FAM227B: variants seen among roughly 807,000 people sequenced by gnomAD.
FAM227B encodes the protein family with sequence similarity 227 member B, also known as protein FAM227B.
Under a neutral mutation model 73.8 loss-of-function variants are expected in FAM227B, and 88 were observed. The ratio of observed to expected loss-of-function variants is 1.19; its 90% CI spans 1.00 to 1.42. The LOEUF (loss-of-function observed/expected upper bound fraction) is 1.42, where lower values mean the gene tolerates loss of function less well. FAM227B is among the 40% of genes most tolerant of loss of function. FAM227B has a pLI of 0.00. For missense variants in FAM227B, 632 were observed against 590.9 expected (o/e 1.07, Z -0.72); for synonymous variants, 210 against 190.5 (o/e 1.10, Z -0.84).
chr15:49,576,712 T>C lies in FAM227B; in HGVS notation c.546+29A>G, dbSNP rs774735480. 8.1e-6 allele frequency: 10 copies of C among 1,230,312 alleles called. No homozygotes were observed. In the South Asian group the frequency reaches 1.2e-4, roughly 15 times the overall value. 76.2% of individuals were successfully genotyped at this position (1,230,312 alleles called of 1,614,324 possible). ...CATTAAATCATACTGTCAAAATGTATCCTACAATAAAATGAAATATTTACA... is the reference window on the plus strand; with the variant it reads ...CATTAAATCATACTGTCAAAATGTACCCTACAATAAAATGAAATATTTACA... On this transcript the variant is annotated intron_variant, in intron 7 of 15. Coordinates refer to ENST00000299338, the MANE Select transcript of FAM227B (RefSeq NM_152647.3).
chr15:49,371,115 G>A (rs1430762651), intron 12 of FAM227B, among the ~76,000 whole-genome samples, 187 bp downstream of exon 12: 1 of 152,114 alleles, frequency 6.6e-6, no homozygotes, highest in Non-Finnish European at 1.5e-5. Context: ...GATATTTTCA[G>A]AAGAAAATAA....
chr15:49,503,511 T>A (rs2058318803), intron 11 of FAM227B, among the ~76,000 whole-genome samples: 1 of 152,094 alleles, frequency 6.6e-6, no homozygotes, highest in African/African-American at 2.4e-5. Flanking sequence ...GGAGAAAATT[T>A]CTGCAATCTA....
chr15:49,351,891 T>C lies in FAM227B; in HGVS notation c.1271+15557A>G, dbSNP rs1044640512. Among the ~76,000 whole-genome samples, 16 of 152,324 alleles carry C rather than the reference T, an allele frequency of 1.1e-4. No individual in the cohort carries two copies. The South Asian group carries it at 1.9e-3, about 18-fold the overall frequency. ...GAAGGGAATATGGTTTAGTTGTCTA[T>C]TGCTATATAACAAACAACCTCAAAA... is the stretch of plus-strand genomic sequence containing the variant. On this transcript the variant is annotated intron_variant, in intron 13 of 15. Transcript: ENST00000299338.
chr15:49,354,631 G>C (rs2042801675), intron 13 of FAM227B, among the ~76,000 whole-genome samples: 2 of 152,236 alleles, frequency 1.3e-5, no homozygotes. Context: ...TAGCACAGCA[G>C]TCTGAGATCA....
intron 11 of FAM227B, among the ~76,000 whole-genome samples, chr15:49,403,021 C>T (rs997187547): frequency 1.3e-5 from 2 of 152,146 alleles, no homozygotes; most frequent in Non-Finnish European, 2.9e-5. Context: ...CTTTTTTCTG[C>T]ATCTATTGAG....
intron 15 of FAM227B, chr15:49,329,934 T>C (rs1158312648): frequency 5.8e-6 from 1 of 172,044 alleles, no homozygotes; most frequent in Admixed American, 6.5e-5. Flanking sequence ...GGGACACACA[T>C]GGTCATTCTA....
At chr15:49,578,928 A>C (rs1000537418) in intron 5 of FAM227B, among the ~76,000 whole-genome samples, 3 of 152,206 alleles carry the variant, frequency 2.0e-5, no homozygotes, top group African/African-American at 7.2e-5. Context: ...AAATATCTAG[A>C]ATATATTAGT....
In FAM227B at chr15:49,374,824, G is replaced by A. The variant is rs564165841; in HGVS notation, c.1013-3425C>T. Among the ~76,000 whole-genome samples the A allele has an allele frequency of 3.3e-5, 5 of 152,308 alleles. No homozygotes were observed. In the East Asian group the frequency reaches 5.8e-4, roughly 18 times the overall value. On this transcript the variant is annotated intron_variant, in intron 11 of 15. Coordinates refer to ENST00000299338, the MANE Select transcript of FAM227B (RefSeq NM_152647.3). The stretch of plus-strand genomic sequence containing the variant: ...TTCCCAAAGTGGTAGGATTACAGGC[G>A]TGAGCCACCATGCCCGGCCTCATGA...
At chr15:49,346,778 G>A (rs1205763843) in intron 13 of FAM227B, among the ~76,000 whole-genome samples, 2 of 152,066 alleles carry the variant, frequency 1.3e-5, no homozygotes, top group Non-Finnish European at 2.9e-5. Flanking sequence ...AGCAAGCTGT[G>A]GCCAGAATCT....
chr15:49,529,996 T>C (rs1194059769), intron 10 of FAM227B, among the ~76,000 whole-genome samples: 1 of 151,788 alleles, frequency 6.6e-6, no homozygotes, highest in African/African-American at 2.4e-5. Context: ...CACCATAGTT[T>C]GTTTAATCAT....
chr15:49,521,769 T>C (rs2059805066), intron 10 of FAM227B, among the ~76,000 whole-genome samples: 1 of 152,204 alleles, frequency 6.6e-6, no homozygotes, highest in East Asian at 1.9e-4. Flanking sequence ...GAATCTATTT[T>C]AACTGAAGCT....
Position 49,471,965 on chromosome 15 carries a change from A to T in FAM227B, c.1012+36246T>A, listed in dbSNP as rs575777110. On this transcript the variant is annotated intron_variant, in intron 11 of 15. Coordinates refer to ENST00000299338, the MANE Select transcript of FAM227B (RefSeq NM_152647.3). ...TGGATAAGAAAGTGAAAGACATGACAGCACAGGTGTTGTTTTCATTTTTTC... is the reference window on the plus strand; with the variant it reads ...TGGATAAGAAAGTGAAAGACATGACTGCACAGGTGTTGTTTTCATTTTTTC... 8.8e-4 allele frequency among the ~76,000 whole-genome samples: 134 copies of T among 152,208 alleles called. 5 individuals are homozygous for T. The South Asian group carries it at 0.027, about 30-fold the overall frequency.
chr15:49,498,825 T>C (rs1007544261), intron 11 of FAM227B, among the ~76,000 whole-genome samples: 8 of 152,166 alleles, frequency 5.3e-5, no homozygotes, highest in Non-Finnish European at 4.4e-5. Context: ...GCTATTCTTA[T>C]ATCAGACAAA....
At chr15:49,510,276 T>G (rs1422622284) in intron 10 of FAM227B, among the ~76,000 whole-genome samples, 2 of 152,176 alleles carry the variant, frequency 1.3e-5, no homozygotes, top group Non-Finnish European at 2.9e-5. Flanking sequence ...ATTGTAACTA[T>G]GTAAAATCTT....
At chr15:49,394,420 T>C (rs1424566385) in intron 11 of FAM227B, among the ~76,000 whole-genome samples, 1 of 151,790 alleles carries the variant, frequency 6.6e-6, no homozygotes, top group Non-Finnish European at 1.5e-5. Context: ...GATGGGGAGG[T>C]AGTGCTGGAG....
At chr15:49,354,484 CG>C (rs2042759130) in intron 13 of FAM227B, among the ~76,000 whole-genome samples, 1 of 152,216 alleles carries the variant, frequency 6.6e-6, no homozygotes, top group Admixed American at 6.5e-5. Flanking sequence ...AAAGGGGTGA[CG>C]GACGGCACCT....
At position 49,508,321 on chromosome 15, in the gene FAM227B, A is replaced by T; in HGVS notation, c.902T>A (p.Ile301Asn). 1 of 1,604,144 alleles carries T rather than the reference A, an allele frequency of 6.2e-7. No homozygotes were observed. The highest frequency in any genetic ancestry group is 8.5e-7 in the Non-Finnish European group (1 of 1,176,772). ...GGAGAGTTCTTTCAGTTTCCAGTGG[A>T]TCCAAAAGCCTTTTTGAGGTTTTAA... is the stretch of plus-strand genomic sequence containing the variant. ...SGLKPQKGFW[I>N]HWKLKELSTT... Residue 301 changes from isoleucine to asparagine, a missense_variant, in exon 11 of 16, where the codon ATC becomes AAC. Ile to Asn is a moderately radical substitution (Grantham distance 149). Coordinates refer to ENST00000299338, the MANE Select transcript of FAM227B (RefSeq NM_152647.3).
At chr15:49,605,134 G>A (rs537288809) in intron 3 of FAM227B, among the ~76,000 whole-genome samples, 24 of 152,212 alleles carry the variant, frequency 1.6e-4, no homozygotes, top group East Asian at 3.9e-4. Flanking sequence ...AAGAACAGGC[G>A]CCTCTTCTGG....
intron 3 of FAM227B, among the ~76,000 whole-genome samples, chr15:49,598,685 T>C (rs1264793428): frequency 1.3e-5 from 2 of 151,394 alleles, no homozygotes; most frequent in African/African-American, 2.5e-5. Flanking sequence ...GTTAACATGC[T>C]TTTTCTTCAT....
Sources: gnomAD v4.1 joint callset for allele counts (sites outside exome capture counted in the v4.1 genomes callset) on GRCh38, gnomAD v4.1.1 for gene constraint, MANE v1.5 for transcripts, NCBI Gene and HGNC (gene_info 2026-07-23, HGNC 2026-07-21) for gene names.